The following NCEH1 variants were observed in gnomAD, a reference collection of about 807,000 sequenced individuals.
NCEH1 encodes 2-acetyl MAGE hydrolase.
NCEH1 carries 9 observed loss-of-function variants against 25.4 expected under a neutral mutation model. The ratio of observed to expected loss-of-function variants is 0.35; its 90% CI spans 0.21 to 0.62. NCEH1 has a LOEUF of 0.62. NCEH1 is among the 20% of genes least tolerant of loss of function. The probability of loss-of-function intolerance (pLI) is 0.72; values close to 1 mark genes in which losing one functional copy is unlikely to be tolerated. For synonymous variants in NCEH1, 200 were observed against 199.8 expected (o/e 1.00, Z -0.01); for missense variants, 412 against 501.1 (o/e 0.82, Z 1.70).
chr3:172,666,962 G>A (rs537587251), intron 1 of NCEH1, among the ~76,000 whole-genome samples: 1 of 152,224 alleles, frequency 6.6e-6, no homozygotes, highest in African/African-American at 2.4e-5. Flanking sequence ...TGAGATTACC[G>A]GCTAGTAATC....
At position 172,633,763 on chromosome 3, in the gene NCEH1, G is replaced by A. The variant is rs1044665520; in HGVS notation, c.939C>T (p.Val313=). The part of the protein sequence containing the change: ...VVQTTGNARI[V]QELPQLLDAR... ...CATCCAGCAACTGAGGAAGCTCCTGGACAATCCTGGCATTGCCTGTGGTCT... is the reference window on the plus strand; with the variant it reads ...CATCCAGCAACTGAGGAAGCTCCTGAACAATCCTGGCATTGCCTGTGGTCT... Residue 313 remains valine, a synonymous_variant, in exon 5 of 5, where the codon GTC becomes GTT. Coordinates refer to ENST00000475381, the MANE Select transcript of NCEH1 (RefSeq NM_020792.6). The A allele has an allele frequency of 2.5e-6, 4 of 1,614,110 alleles. No individual in the cohort carries two copies. The African/African-American group carries it at 5.3e-5, about 22-fold the overall frequency.
chr3:172,679,573 G>A (rs1712224710), intron 1 of NCEH1, among the ~76,000 whole-genome samples: 2 of 150,816 alleles, frequency 1.3e-5, no homozygotes, highest in South Asian at 4.2e-4. Context: ...ACCTAAACAC[G>A]TACAGATAAT....
In NCEH1 at chr3:172,636,102, G is replaced by C; in HGVS notation, c.438-15C>G. 3.7e-6 allele frequency: 6 copies of C among 1,604,450 alleles called. No individual in the cohort carries two copies. Among genetic ancestry groups the C allele is most frequent in the Non-Finnish European group, 5.1e-6 (6 of 1,173,526 alleles). On this transcript the variant is annotated splice_polypyrimidine_tract_variant and intron_variant, in intron 3 of 4. Transcript: ENST00000475381. ...CTAGCCTGTATCTGTAAAAACAAAAGTTGTATTCATTTAAGGCCTTCTCCA... is the reference window on the plus strand; with the variant it reads ...CTAGCCTGTATCTGTAAAAACAAAACTTGTATTCATTTAAGGCCTTCTCCA...
chr3:172,670,700 T>C (rs536397940), intron 1 of NCEH1, among the ~76,000 whole-genome samples: 5 of 152,328 alleles, frequency 3.3e-5, no homozygotes, highest in Non-Finnish European at 7.3e-5. Flanking sequence ...GAGAATAACA[T>C]TAGAAGCATC....
intron 3 of NCEH1, among the ~76,000 whole-genome samples, chr3:172,642,221 T>A (rs1484500562): frequency 6.6e-6 from 1 of 152,106 alleles, no homozygotes; most frequent in African/African-American, 2.4e-5. Flanking sequence ...TCACCCAGGC[T>A]GGAGTGCAGT....
chr3:172,640,492 CTTTATTTATTTATTTTA>C (rs1424971540), intron 3 of NCEH1, among the ~76,000 whole-genome samples: 3 of 151,762 alleles, frequency 2.0e-5, no homozygotes, highest in Non-Finnish European at 4.4e-5. Context: ...TCCCTGCCCC[CTTTATTTATTTATTTTA>C]TTTATTTATT....
rs1716332392 is a variant in NCEH1 at position 172,631,210 on chromosome 3, A to C, written c.*2265T>G. On this transcript the variant is annotated 3_prime_UTR_variant, in exon 5 of 5. Transcript: ENST00000475381. Reference sequence around the variant, plus strand: ...GCAATTACTATAGGCTTTGGCTCACAATTCTGGGGAAAATGCCAATTGAAG... The same window carrying C: ...GCAATTACTATAGGCTTTGGCTCACCATTCTGGGGAAAATGCCAATTGAAG... The C allele has an allele frequency of 6.6e-6, 1 of 152,190 alleles. No individual in the cohort carries two copies. Among genetic ancestry groups the C allele is most frequent in the Non-Finnish European group, 1.5e-5 (1 of 68,022 alleles). The allele number at this position is 152,190 out of a possible 1,614,324, so 9.4% of individuals were successfully genotyped here.
At chr3:172,678,686 T>A (rs1275959175) in intron 1 of NCEH1, among the ~76,000 whole-genome samples, 2 of 152,134 alleles carry the variant, frequency 1.3e-5, no homozygotes, top group Non-Finnish European at 2.9e-5. Flanking sequence ...TTCAAACATT[T>A]AAAAAATTTT....
At chr3:172,699,949 A>G (rs959421387) in intron 1 of NCEH1, among the ~76,000 whole-genome samples, 3 of 152,210 alleles carry the variant, frequency 2.0e-5, no homozygotes, top group Admixed American at 6.5e-5. Context: ...TGGACAATAA[A>G]TTATACGGCT....
chr3:172,680,401 C>A (rs1311652334), intron 1 of NCEH1, among the ~76,000 whole-genome samples: 1 of 152,196 alleles, frequency 6.6e-6, no homozygotes, highest in African/African-American at 2.4e-5. Context: ...CCCCCCTCCC[C>A]CTACTACTCA....
chr3:172,709,244 G>A (rs189859623), intron 1 of NCEH1, among the ~76,000 whole-genome samples: 1 of 152,312 alleles, frequency 6.6e-6, no homozygotes, highest in Admixed American at 6.5e-5. Flanking sequence ...GACTTCTTTG[G>A]TGACCTGAAA....
intron 1 of NCEH1, among the ~76,000 whole-genome samples, chr3:172,671,253 T>G (rs1189138912): frequency 6.6e-6 from 1 of 152,234 alleles, no homozygotes; most frequent in East Asian, 1.9e-4. Flanking sequence ...AGGATTTCGT[T>G]AACTCAAAGA....
intron 1 of NCEH1, among the ~76,000 whole-genome samples, chr3:172,708,216 C>A (rs1013370626): frequency 1.3e-5 from 2 of 152,244 alleles, no homozygotes; most frequent in African/African-American, 2.4e-5. Flanking sequence ...ATTCACATTT[C>A]TTAATGGTAG....
chr3:172,630,997 G>C lies in NCEH1; in HGVS notation c.*2478C>G, dbSNP rs1378771444. 1.3e-5 allele frequency: 2 copies of C among 150,172 alleles called. No homozygotes were observed. Among genetic ancestry groups the C allele is most frequent in the Non-Finnish European group, 3.0e-5 (2 of 67,648 alleles). 9.3% of individuals were successfully genotyped at this position (150,172 alleles called of 1,614,324 possible). A position where few individuals can be genotyped will look rare whatever the true frequency, so the allele number is the denominator to read the frequency against. On this transcript the variant is annotated 3_prime_UTR_variant, in exon 5 of 5. Transcript: ENST00000475381. ...AGATTATCATTTTTTTCATAAAATA[G>C]GAAAAGAAAGCCACAGTACTAAAAA... is the stretch of plus-strand genomic sequence containing the variant.
chr3:172,691,609 T>C (rs538315398), intron 1 of NCEH1, among the ~76,000 whole-genome samples: 1 of 152,288 alleles, frequency 6.6e-6, no homozygotes, highest in Non-Finnish European at 1.5e-5. Context: ...TAGGAGTAAT[T>C]AAACAAATCC....
chr3:172,700,781 G>A (rs73042886), intron 1 of NCEH1, among the ~76,000 whole-genome samples: 1 of 152,030 alleles, frequency 6.6e-6, no homozygotes, highest in African/African-American at 2.4e-5. Context: ...CTGATCATAC[G>A]ATCTTGATGG....
chr3:172,681,400 C>CA (rs1314203841), intron 1 of NCEH1, among the ~76,000 whole-genome samples: 1 of 151,986 alleles, frequency 6.6e-6, no homozygotes, highest in Non-Finnish European at 1.5e-5. Flanking sequence ...CCCAAATTTT[C>CA]AAATTTTCAT....
chr3:172,650,812 G>GAAAAAAAAA (rs768170518), intron 1 of NCEH1, among the ~76,000 whole-genome samples: 1 of 35,884 alleles, frequency 2.8e-5, no homozygotes, highest in Non-Finnish European at 5.6e-5. Context: ...ACTCTGCCTC[G>GAAAAAAAAA]AAAAAAAAAA....
In NCEH1 at chr3:172,687,448, C is replaced by T. The variant is rs542999574; in HGVS notation, c.138+23399G>A. ...AAATAGATTCTGAATCTCTGAAGCA[C>T]AGGAACCATTTGCAACACTTGTAAA... On this transcript the variant is annotated intron_variant, in intron 1 of 4. Coordinates refer to ENST00000475381, the MANE Select transcript of NCEH1 (RefSeq NM_020792.6). Among the ~76,000 whole-genome samples the T allele has an allele frequency of 2.0e-5, 3 of 152,262 alleles. No homozygotes were observed. In the South Asian group the frequency reaches 6.2e-4, roughly 32 times the overall value.
Sources: allele counts gnomAD v4.1 joint callset (sites outside exome capture counted in the v4.1 genomes callset), GRCh38; gene constraint gnomAD v4.1.1; transcripts MANE v1.5; gene names NCBI Gene and HGNC (gene_info 2026-07-23, HGNC 2026-07-21).